The following ABCB5 variants were observed in gnomAD, a reference collection of about 807,000 sequenced individuals.
ABCB5 encodes ATP binding cassette subfamily B member 5, also known as ATP-binding cassette sub-family B member 5.
A neutral mutation model predicts 144.2 loss-of-function variants in ABCB5; 155 were observed. The ratio of observed to expected loss-of-function variants is 1.08; its 90% CI spans 0.94 to 1.23. ABCB5 has a LOEUF of 1.23. Among genes scored for constraint, ABCB5 ranks in the 50% most tolerant of loss-of-function variants. The pLI, the probability that ABCB5 is intolerant of heterozygous loss-of-function variation, is 0.00. For synonymous variants in ABCB5, 610 were observed against 528.6 expected (o/e 1.15, Z -2.11); for missense variants, 1,830 against 1,520.8 (o/e 1.20, Z -3.38).
chr7:20,726,699 T>G (rs1451483503), intron 21 of ABCB5, among the ~76,000 whole-genome samples: 2 of 152,150 alleles, frequency 1.3e-5, no homozygotes, highest in African/African-American at 2.4e-5. Context: ...GTTTCATAAT[T>G]TGTAGGAAGC....
At chr7:20,676,321 C>G (rs1429873511) in intron 14 of ABCB5, among the ~76,000 whole-genome samples, 6 of 151,984 alleles carry the variant, frequency 3.9e-5, no homozygotes, top group Non-Finnish European at 7.4e-5. Context: ...ATCATTATTT[C>G]TAATAGCCAA....
intron 19 of ABCB5, among the ~76,000 whole-genome samples, chr7:20,700,379 G>C (rs886803105): frequency 6.6e-6 from 1 of 152,190 alleles, no homozygotes; most frequent in East Asian, 1.9e-4. Context: ...ATTGTTCCTT[G>C]CATTCATCTT....
intron 14 of ABCB5, among the ~76,000 whole-genome samples, chr7:20,663,518 A>G (rs987925921): frequency 6.6e-6 from 1 of 152,140 alleles, no homozygotes; most frequent in African/African-American, 2.4e-5. Flanking sequence ...TTCTGCTCAC[A>G]TGAGATACAT....
intron 26 of ABCB5, among the ~76,000 whole-genome samples, chr7:20,746,630 T>C (rs1054504082): frequency 2.6e-5 from 4 of 152,292 alleles, no homozygotes; most frequent in Non-Finnish European, 4.4e-5. Flanking sequence ...GCTGTGGCAA[T>C]TGGCACAAAA....
At chr7:20,657,739 C>T (rs1353019894) in intron 13 of ABCB5, among the ~76,000 whole-genome samples, 1 of 152,110 alleles carries the variant, frequency 6.6e-6, no homozygotes, top group Non-Finnish European at 1.5e-5. Flanking sequence ...AGACTTATAT[C>T]CTTAAAATGG....
At chr7:20,676,152 C>A (rs1277800036) in intron 14 of ABCB5, among the ~76,000 whole-genome samples, 1 of 141,644 alleles carries the variant, frequency 7.1e-6, no homozygotes, top group Non-Finnish European at 1.5e-5. Flanking sequence ...TGTGACCCAG[C>A]AATTCTACTA....
chr7:20,636,066 T>C (rs2128020640), intron 5 of ABCB5, among the ~76,000 whole-genome samples: 1 of 152,266 alleles, frequency 6.6e-6, no homozygotes, highest in East Asian at 1.9e-4. Flanking sequence ...TTCTATTGGA[T>C]AGTGTTGTTC....
At chr7:20,662,269 C>T (rs1785026928) in intron 14 of ABCB5, among the ~76,000 whole-genome samples, 1 of 152,200 alleles carries the variant, frequency 6.6e-6, no homozygotes, top group Non-Finnish European at 1.5e-5. Flanking sequence ...GCAGCCCTCA[C>T]GGGCACGTCT....
chr7:20,635,543 T>C (rs181069245), intron 5 of ABCB5, among the ~76,000 whole-genome samples: 3 of 152,276 alleles, frequency 2.0e-5, no homozygotes, highest in Non-Finnish European at 4.4e-5. Flanking sequence ...TCCATGAGCA[T>C]GGAATGTTTT....
At chr7:20,753,235 ATT>A (rs1472457201) in intron 26 of ABCB5, 123 bp from the exon 27 acceptor site, 2 of 1,203,884 alleles carry the variant, frequency 1.7e-6, no homozygotes, top group East Asian at 4.8e-5. Flanking sequence ...AGATTTCAAC[ATT>A]TGTTGGGACA....
In ABCB5 at chr7:20,643,576, C is replaced by G. The variant is rs755750745; in HGVS notation, c.622C>G (p.Leu208Val). Residue 208 changes from leucine to valine, a missense_variant, in exon 7 of 28, where the codon CTA becomes GTA. By Grantham distance (32) the Leu-to-Val change is conservative (BLOSUM62 1). Transcript: ENST00000404938. Reference sequence around the variant, plus strand: ...TTTGGTGAAGGGCTGGAAACTCACCCTAGTGACTCTATCCACGTCTCCTCT... The same window carrying G: ...TTTGGTGAAGGGCTGGAAACTCACCGTAGTGACTCTATCCACGTCTCCTCT... ...VGLVKGWKLT[L>V]VTLSTSPLIM... The G allele has an allele frequency of 6.2e-7, 1 of 1,613,960 alleles. No homozygotes were observed. The highest frequency in any genetic ancestry group is 1.1e-5 in the South Asian group (1 of 91,086).
chr7:20,695,064 G>C (rs1786360520), intron 16 of ABCB5, among the ~76,000 whole-genome samples: 1 of 151,918 alleles, frequency 6.6e-6, no homozygotes, highest in African/African-American at 2.4e-5. Context: ...AGCCAAAATA[G>C]TCAAAATAAA....
chr7:20,739,763 G>T (rs1030486407), intron 24 of ABCB5, among the ~76,000 whole-genome samples: 1 of 151,770 alleles, frequency 6.6e-6, no homozygotes, highest in South Asian at 2.1e-4. Context: ...ATATTCTGCT[G>T]CTTCAGACAC....
intron 1 of ABCB5, among the ~76,000 whole-genome samples, chr7:20,622,803 A>C (rs1451164569): frequency 6.6e-6 from 1 of 152,152 alleles, no homozygotes; most frequent in Admixed American, 6.5e-5. Flanking sequence ...TGAAAGCTCC[A>C]AACTTTGTTT....
intron 15 of ABCB5, 63 bp from the exon 16 acceptor site, chr7:20,685,633 A>C (rs1002647858): frequency 7.7e-6 from 11 of 1,424,414 alleles, no homozygotes; most frequent in Non-Finnish European, 1.1e-5. Context: ...AGAGATGCTT[A>C]ATAAGTTTCC....
At chr7:20,685,234 T>C (rs2128040051) in intron 15 of ABCB5, among the ~76,000 whole-genome samples, 1 of 152,278 alleles carries the variant, frequency 6.6e-6, no homozygotes, top group Admixed American at 6.5e-5. Flanking sequence ...CAGTTCAGAA[T>C]GGGTAGCAGG....
chr7:20,727,055 T>C lies in ABCB5; in HGVS notation c.2641T>C (p.Leu881=). ...KHAGKIATEA[L]ENIRTIVSLT... is the part of the protein sequence containing the mutation. ...GTTTTATAAGATAGCAACTGAAGCT[T>C]TGGAGAATATACGTACTATAGTGTC... Residue 881 remains leucine, a synonymous_variant, in exon 22 of 28, where the codon TTG becomes CTG. Coordinates refer to ENST00000404938, the MANE Select transcript of ABCB5 (RefSeq NM_001163941.2). The C allele has an allele frequency of 1.2e-6, 2 of 1,611,564 alleles. No homozygotes were observed. Among genetic ancestry groups the C allele is most frequent in the South Asian group, 2.2e-5 (2 of 90,570 alleles).
At chr7:20,658,822 C>A in intron 14 of ABCB5, 146 bp downstream of exon 14, 2 of 1,077,936 alleles carry the variant, frequency 1.9e-6, no homozygotes, top group African/African-American at 1.6e-5. Context: ...TGAGAACTTA[C>A]GTGATGGCTA....
chr7:20,671,854 G>C (rs1402090475), intron 14 of ABCB5, among the ~76,000 whole-genome samples: 2 of 152,124 alleles, frequency 1.3e-5, no homozygotes, highest in African/African-American at 4.8e-5. Context: ...GATTTAAATG[G>C]CTGAATCTTA....
Sources: allele counts gnomAD v4.1 joint callset (sites outside exome capture counted in the v4.1 genomes callset), GRCh38; gene constraint gnomAD v4.1.1; transcripts MANE v1.5; gene names NCBI Gene and HGNC (gene_info 2026-07-23, HGNC 2026-07-21).